Variants in DPY19L2 observed in about 807,000 individuals in gnomAD.
The protein encoded by DPY19L2 is probable C-mannosyltransferase DPY19L2.
DPY19L2 carries 34 observed loss-of-function variants against 97.9 expected under a neutral mutation model. That is an observed-to-expected ratio of 0.35 (90% CI 0.26 to 0.46). DPY19L2 has a LOEUF of 0.46. Ranked by LOEUF, DPY19L2 falls within the 20% of genes least tolerant of loss-of-function variation. The probability of loss-of-function intolerance (pLI) is 1.00; values close to 1 mark genes in which losing one functional copy is unlikely to be tolerated. For missense variants in DPY19L2, 623 were observed against 911.4 expected (o/e 0.68, Z 4.07); for synonymous variants, 230 against 307.9 (o/e 0.75, Z 2.65).
intron 21 of DPY19L2, among the ~76,000 whole-genome samples, chr12:63,563,153 A>G (rs1051509865): frequency 1.2e-4 from 19 of 152,072 alleles, no homozygotes; most frequent in Non-Finnish European, 2.5e-4. Flanking sequence ...AGAGTTTTTT[A>G]TACATCTAGA....
chr12:63,623,742 T>C, intron 8 of DPY19L2: 1 of 260,906 alleles, frequency 3.8e-6, no homozygotes, highest in Non-Finnish European at 7.6e-6. Context: ...TCTTGCTCTC[T>C]TGCCCAGGCT....
At chr12:63,634,131 T>A (rs1891217503) in intron 6 of DPY19L2, among the ~76,000 whole-genome samples, 1 of 152,056 alleles carries the variant, frequency 6.6e-6, no homozygotes. Flanking sequence ...AGTTACTGGG[T>A]GCAGCACACC....
In DPY19L2 at chr12:63,663,849, GA is replaced by G; in HGVS notation, c.363-5del. 1.3e-6 allele frequency: 2 copies of G among 1,577,284 alleles called. No homozygotes were observed. The highest frequency in any genetic ancestry group is 1.8e-5 in the Admixed American group (1 of 54,910). On this transcript the variant is annotated splice_region_variant and splice_polypyrimidine_tract_variant and intron_variant, in intron 2 of 21. Transcript: ENST00000324472. ...AAAAAGTGTTACTAAATGTAACCTAGAAAAAAATGAAGTATCATATTACAAT... is the reference window on the plus strand; with the variant it reads ...AAAAAGTGTTACTAAATGTAACCTAGAAAAAATGAAGTATCATATTACAAT...
chr12:63,655,279 A>G (rs867050232), intron 4 of DPY19L2, among the ~76,000 whole-genome samples: 1 of 152,186 alleles, frequency 6.6e-6, no homozygotes. Context: ...ATCACTACAT[A>G]TGTGTAAGAA....
chr12:63,571,860 A>G (rs1878915563), intron 19 of DPY19L2, among the ~76,000 whole-genome samples: 1 of 152,178 alleles, frequency 6.6e-6, no homozygotes, highest in Non-Finnish European at 1.5e-5. Context: ...AACAATTACA[A>G]AATTGTGAAG....
At chr12:63,601,517 G>A (rs1592522583) in intron 12 of DPY19L2, among the ~76,000 whole-genome samples, 1 of 152,164 alleles carries the variant, frequency 6.6e-6, no homozygotes, top group South Asian at 2.1e-4. Context: ...GAATCGAAAA[G>A]GAGGCAACGA....
intron 6 of DPY19L2, among the ~76,000 whole-genome samples, chr12:63,642,648 T>C (rs1198993009): frequency 6.6e-6 from 1 of 152,072 alleles, no homozygotes; most frequent in Non-Finnish European, 1.5e-5. Context: ...CTCTACTCTA[T>C]TGCAGTTATC....
intron 12 of DPY19L2, among the ~76,000 whole-genome samples, chr12:63,601,773 A>G (rs1862352582): frequency 6.6e-6 from 1 of 152,148 alleles, no homozygotes; most frequent in African/African-American, 2.4e-5. Context: ...TATTTCTGGA[A>G]AGGAAGGAGG....
At chr12:63,590,552 T>C (rs1402921585) in intron 16 of DPY19L2, among the ~76,000 whole-genome samples, 1 of 151,980 alleles carries the variant, frequency 6.6e-6, no homozygotes, top group Non-Finnish European at 1.5e-5. Context: ...TGGTCAACAA[T>C]AAAATCCTAA....
chr12:63,644,346 T>C (rs1565830210), intron 6 of DPY19L2, 57 bp downstream of exon 6: 1 of 1,554,242 alleles, frequency 6.4e-7, no homozygotes, highest in Non-Finnish European at 8.6e-7. Context: ...AATCAACAAA[T>C]ATCAGCCAGT....
chr12:63,570,710 T>C (rs1878663244), intron 20 of DPY19L2, 48 bp downstream of exon 20: 8 of 1,566,806 alleles, frequency 5.1e-6, no homozygotes, highest in Middle Eastern at 1.7e-4. Flanking sequence ...TTCCTAAGAA[T>C]TGGGAGTTGC....
chr12:63,642,396 C>A (rs1892824715), intron 6 of DPY19L2, among the ~76,000 whole-genome samples: 1 of 152,056 alleles, frequency 6.6e-6, no homozygotes, highest in Admixed American at 6.6e-5. Flanking sequence ...TATGAAATCA[C>A]TTCTTATTCC....
chr12:63,651,754 T>C (rs1894264551), intron 4 of DPY19L2: 3 of 352,958 alleles, frequency 8.5e-6, no homozygotes, highest in Non-Finnish European at 1.7e-5. Flanking sequence ...CCAAGCTTCA[T>C]GAATAAAGAG....
At chr12:63,585,167 T>C (rs1881575981) in intron 16 of DPY19L2, among the ~76,000 whole-genome samples, 1 of 152,064 alleles carries the variant, frequency 6.6e-6, no homozygotes, top group South Asian at 2.1e-4. Context: ...ATGGAGTTTA[T>C]ATTAGAGTAA....
chr12:63,589,570 A>G (rs966628607), intron 16 of DPY19L2, among the ~76,000 whole-genome samples: 1 of 151,956 alleles, frequency 6.6e-6, no homozygotes, highest in African/African-American at 2.4e-5. Flanking sequence ...ATGTCACTAT[A>G]CCACAAAATT....
At chr12:63,597,276 A>G (rs1405908123) in intron 14 of DPY19L2, among the ~76,000 whole-genome samples, 1 of 152,104 alleles carries the variant, frequency 6.6e-6, no homozygotes, top group South Asian at 2.1e-4. Flanking sequence ...CGCCCAGCCT[A>G]TATTTTAAAG....
intron 11 of DPY19L2, among the ~76,000 whole-genome samples, chr12:63,609,518 T>C (rs1363352769): frequency 2.0e-5 from 3 of 152,114 alleles, no homozygotes; most frequent in South Asian, 2.1e-4. Flanking sequence ...CTCTCTACCA[T>C]GTCAGGACAC....
intron 6 of DPY19L2, among the ~76,000 whole-genome samples, chr12:63,638,777 C>T (rs569681776): frequency 2.0e-5 from 3 of 152,186 alleles, no homozygotes; most frequent in African/African-American, 7.2e-5. Flanking sequence ...TGCCATACTG[C>T]CCAAGGTAAT....
chr12:63,634,431 A>G (rs1355158066), intron 6 of DPY19L2, among the ~76,000 whole-genome samples: 2 of 152,118 alleles, frequency 1.3e-5, no homozygotes. Context: ...TACTGGGTTC[A>G]TCTCACTGGG....
Sources: allele counts gnomAD v4.1 joint callset (sites outside exome capture counted in the v4.1 genomes callset), GRCh38; gene constraint gnomAD v4.1.1; transcripts MANE v1.5; gene names NCBI Gene and HGNC (gene_info 2026-07-23, HGNC 2026-07-21).